SAMHD1: variants seen among roughly 807,000 people sequenced by gnomAD.
SAMHD1 encodes the protein deoxynucleoside triphosphate triphosphohydrolase SAMHD1.
A neutral mutation model predicts 79.6 loss-of-function variants in SAMHD1; 54 were observed. That is an observed-to-expected ratio of 0.68 (90% CI 0.55 to 0.85). The LOEUF (loss-of-function observed/expected upper bound fraction) is 0.85. Ranked by LOEUF, SAMHD1 falls within the 40% of genes least tolerant of loss-of-function variation. The probability of loss-of-function intolerance (pLI) is 0.00; values close to 1 mark genes in which losing one functional copy is unlikely to be tolerated. For synonymous variants in SAMHD1, 260 were observed against 264.1 expected (o/e 0.98, Z 0.15); for missense variants, 663 against 782.7 (o/e 0.85, Z 1.82).
At position 36,941,053 on chromosome 20, in the gene SAMHD1, C is replaced by T. The variant is rs144353824; in HGVS notation, c.334G>A (p.Val112Ile). 4.4e-4 allele frequency: 711 copies of T among 1,612,716 alleles called. 4 individuals carry two copies. The highest frequency in any genetic ancestry group is 9.3e-4 in the South Asian group (85 of 91,070). The change falls in exon 3 of 16, where the codon GTT (valine) becomes ATT (isoleucine). Residue 112 changes from valine to isoleucine, a missense_variant. Transcript: ENST00000646673. Reference sequence around the variant, plus strand: ...GATCCTCTTACCTTCATTGTATCAACGTGGATTTGAACCAATCGCTGGATA... The same window carrying T: ...GATCCTCTTACCTTCATTGTATCAATGTGGATTTGAACCAATCGCTGGATA... ...SYIQRLVQIH[V>I]DTMKVINDPI...
intron 9 of SAMHD1, among the ~76,000 whole-genome samples, chr20:36,914,627 T>C (rs921812093): frequency 6.6e-6 from 1 of 151,774 alleles, no homozygotes; most frequent in Admixed American, 6.6e-5. Context: ...CCCAAAGTGC[T>C]GGGAATACAG....
chr20:36,898,544 C>A lies in SAMHD1; in HGVS notation c.1504G>T (p.Val502Phe), dbSNP rs750656746. ...TGCATTCCATAATCCATGTTGATAA[C>A]CTAAATAAAAGCAATTCACAAGTAA... is the stretch of plus-strand genomic sequence containing the variant. Reference protein sequence around the residue: ...KLKAEDFIVDVINMDYGMQEK... With the variant: ...KLKAEDFIVDFINMDYGMQEK... The change falls in exon 14 of 16, where the codon GTT becomes TTT. Residue 502 changes from valine (V) to phenylalanine (F), a missense_variant and splice_region_variant. Transcript: ENST00000646673. The A allele has an allele frequency of 6.2e-7, 1 of 1,610,294 alleles. No individual in the cohort carries two copies. Among genetic ancestry groups the A allele is most frequent in the Non-Finnish European group, 8.5e-7 (1 of 1,176,854 alleles).
chr20:36,899,487 A>G (rs1291144), intron 13 of SAMHD1, among the ~76,000 whole-genome samples: 116,660 of 152,008 alleles, frequency 0.77, 45,598 homozygotes, highest in Middle Eastern at 0.89. Flanking sequence ...CTAGATTGAA[A>G]TTCAACAAAT....
chr20:36,918,631 G>A (rs535161625), intron 7 of SAMHD1, among the ~76,000 whole-genome samples: 5 of 151,082 alleles, frequency 3.3e-5, no homozygotes, highest in Non-Finnish European at 5.9e-5. Flanking sequence ...GTGAAACCCC[G>A]TCTCTACTAA....
At chr20:36,896,000 G>A (rs546055930) in intron 15 of SAMHD1, among the ~76,000 whole-genome samples, 1 of 152,066 alleles carries the variant, frequency 6.6e-6, no homozygotes, top group South Asian at 2.1e-4. Context: ...GTATAAAGGA[G>A]GATATGTATA....
chr20:36,933,881 C>G (rs2063583301), intron 4 of SAMHD1, among the ~76,000 whole-genome samples: 1 of 151,816 alleles, frequency 6.6e-6, no homozygotes, highest in South Asian at 2.1e-4. Flanking sequence ...CCTGTCTCTA[C>G]TAAAAAATAC....
chr20:36,930,015 A>G (rs183348875), intron 5 of SAMHD1, among the ~76,000 whole-genome samples: 4 of 151,020 alleles, frequency 2.6e-5, no homozygotes, highest in Admixed American at 2.6e-4. Flanking sequence ...GCTTGAGCCT[A>G]GGAGTTCGAG....
At chr20:36,902,570 TG>T (rs1292574634) in intron 13 of SAMHD1, among the ~76,000 whole-genome samples, 1 of 152,142 alleles carries the variant, frequency 6.6e-6, no homozygotes, top group East Asian at 1.9e-4. Flanking sequence ...TAGATATGCC[TG>T]TATAGTGATG....
chr20:36,934,045 CAA>C (rs1199152184), intron 4 of SAMHD1, among the ~76,000 whole-genome samples: 3 of 133,510 alleles, frequency 2.2e-5, no homozygotes, highest in Non-Finnish European at 1.6e-5. Flanking sequence ...GACTCCATCT[CAA>C]AAAAAAAAAA....
intron 6 of SAMHD1, among the ~76,000 whole-genome samples, chr20:36,921,771 C>T (rs1251321958): frequency 1.3e-5 from 2 of 151,756 alleles, no homozygotes; most frequent in East Asian, 1.9e-4. Context: ...TCACTGCAAC[C>T]TCCGCCTCCC....
chr20:36,928,599 C>A (rs1473328506), intron 5 of SAMHD1, among the ~76,000 whole-genome samples: 6 of 150,052 alleles, frequency 4.0e-5, no homozygotes, highest in Non-Finnish European at 8.9e-5. Flanking sequence ...GCAGGAGAAT[C>A]GCTTGAACCC....
intron 10 of SAMHD1, 32 bp from the exon 11 acceptor site, chr20:36,911,365 T>A: frequency 7.4e-7 from 1 of 1,347,254 alleles, no homozygotes; most frequent in Non-Finnish European, 1.1e-6. Flanking sequence ...TTTATGTTTA[T>A]GAGAAATTTT....
intron 1 of SAMHD1, among the ~76,000 whole-genome samples, chr20:36,949,778 A>T (rs2063721134): frequency 6.6e-6 from 1 of 150,464 alleles, no homozygotes; most frequent in Non-Finnish European, 1.5e-5. Context: ...AAAAAAAAAA[A>T]AGAATCCAAC....
At chr20:36,915,802 C>A (rs967492875) in intron 9 of SAMHD1, among the ~76,000 whole-genome samples, 5 of 151,798 alleles carry the variant, frequency 3.3e-5, no homozygotes, top group African/African-American at 1.2e-4. Context: ...GACAGCACCC[C>A]TAAACACCAT....
At chr20:36,921,824 G>A (rs1352722436) in intron 6 of SAMHD1, among the ~76,000 whole-genome samples, 1 of 152,048 alleles carries the variant, frequency 6.6e-6, no homozygotes, top group South Asian at 2.1e-4. Flanking sequence ...GAGTAGCTGG[G>A]ATTACAGGTG....
chr20:36,904,122 T>A (rs2063391937), intron 13 of SAMHD1, 35 bp downstream of exon 13: 2 of 1,355,042 alleles, frequency 1.5e-6, no homozygotes, highest in Non-Finnish European at 1.1e-6. Flanking sequence ...CTTTAAAACG[T>A]ATTCACTCAG....
chr20:36,925,318 A>G (rs1424743009), intron 6 of SAMHD1, among the ~76,000 whole-genome samples: 2 of 152,220 alleles, frequency 1.3e-5, no homozygotes, highest in African/African-American at 4.8e-5. Flanking sequence ...GAAAACAACT[A>G]TAAGCTCTGG....
Position 36,935,075 on chromosome 20 carries a change from A to G in SAMHD1, c.463T>C (p.Tyr155His). Residue 155 changes from tyrosine (Y) to histidine (H), a missense_variant, in exon 4 of 16, where the codon TAT becomes CAT. Physicochemically the swap from Tyr to His is moderately conservative, Grantham distance 83. Transcript: ENST00000646673. The part of the protein sequence containing the change: ...RYIKQLGGGY[Y>H]VFPGASHNRF... ...TTGTGTGAAGCTCCTGGAAAAACAT[A>G]GTAACCACCTCCCAGCTGTTTGATG... 1.2e-6 allele frequency: 2 copies of G among 1,614,164 alleles called. No individual in the cohort carries two copies. The highest frequency in any genetic ancestry group is 1.7e-6 in the Non-Finnish European group (2 of 1,180,020).
At chr20:36,946,637 T>C in intron 2 of SAMHD1, 101 bp downstream of exon 2, 1 of 869,672 alleles carries the variant, frequency 1.1e-6, no homozygotes, top group East Asian at 2.7e-5. Flanking sequence ...ACTTCATAGA[T>C]TTAAAATGAG....
Sources: gnomAD v4.1 joint callset for allele counts (sites outside exome capture counted in the v4.1 genomes callset) on GRCh38, gnomAD v4.1.1 for gene constraint, MANE v1.5 for transcripts, NCBI Gene and HGNC (gene_info 2026-07-23, HGNC 2026-07-21) for gene names.